The following OGDH variants were observed in gnomAD, a reference collection of about 807,000 sequenced individuals.
OGDH encodes 2-oxoglutarate dehydrogenase complex component E1.
A neutral mutation model predicts 116.6 loss-of-function variants in OGDH; 38 were observed. That is an observed-to-expected ratio of 0.33 (90% confidence interval 0.25 to 0.43). The LOEUF (loss-of-function observed/expected upper bound fraction) is 0.43, where lower values mean the gene tolerates loss of function less well. OGDH is among the 20% of genes least tolerant of loss of function. The pLI is 1.00. For missense variants in OGDH, 825 were observed against 1,357.2 expected (o/e 0.61, Z 6.16); for synonymous variants, 488 against 533.3 (o/e 0.92, Z 1.17).
intron 10 of OGDH, among the ~76,000 whole-genome samples, chr7:44,690,508 A>AT (rs1201515381): frequency 1.3e-5 from 2 of 152,248 alleles, no homozygotes; most frequent in Admixed American, 1.3e-4. Context: ...GGTATTATTA[A>AT]TACACCCATA....
intron 4 of OGDH, 163 bp from the exon 5 acceptor site, chr7:44,666,573 A>G: frequency 2.6e-6 from 1 of 386,982 alleles, no homozygotes; most frequent in Non-Finnish European, 4.6e-6. Context: ...TTCTGGCTGT[A>G]AAATATTACT....
At chr7:44,678,679 G>A (rs559128812) in intron 9 of OGDH, among the ~76,000 whole-genome samples, 4 of 152,256 alleles carry the variant, frequency 2.6e-5, no homozygotes, top group Admixed American at 1.3e-4. Context: ...GAGCCTCCTC[G>A]TCACCTTGCC....
intron 2 of OGDH, among the ~76,000 whole-genome samples, chr7:44,635,450 G>C (rs534524231): frequency 6.6e-6 from 1 of 152,082 alleles, no homozygotes; most frequent in Non-Finnish European, 1.5e-5. Flanking sequence ...CCCGCGCCGC[G>C]GATTATTTAG....
chr7:44,684,329 C>T (rs186677900), intron 10 of OGDH, among the ~76,000 whole-genome samples: 16 of 151,932 alleles, frequency 1.1e-4, no homozygotes, highest in African/African-American at 3.1e-4. Flanking sequence ...TAGAGGAGGA[C>T]AGAGAAACAC....
chr7:44,607,546 G>C (rs1369603956), intron 1 of OGDH, among the ~76,000 whole-genome samples: 1 of 152,116 alleles, frequency 6.6e-6, no homozygotes, highest in East Asian at 1.9e-4. Context: ...GGGTGGCATG[G>C]GATAAAGCCT....
At chr7:44,615,446 T>C (rs1220323497) in intron 1 of OGDH, among the ~76,000 whole-genome samples, 1 of 152,140 alleles carries the variant, frequency 6.6e-6, no homozygotes, top group Non-Finnish European at 1.5e-5. Context: ...CTCCACTATC[T>C]TATCAGGGAG....
At position 44,696,143 on chromosome 7, in the gene OGDH, G is replaced by A. The variant is rs773561275; in HGVS notation, c.1771+16G>A. 1.8e-5 allele frequency: 27 copies of A among 1,523,802 alleles called. 1 individual carries two copies. Among genetic ancestry groups the A allele is most frequent in the Non-Finnish European group, 2.3e-5 (25 of 1,097,998 alleles). 94.4% of individuals were successfully genotyped at this position (1,523,802 alleles called of 1,614,324 possible). ...CCCTGGCCTGGTGAGTGAAGAAACA[G>A]TGCCACAAATAAGCTCCTTTGAGGA... On this transcript the variant is annotated intron_variant, in intron 13 of 22. Coordinates refer to ENST00000222673, the MANE Select transcript of OGDH (RefSeq NM_002541.4).
chr7:44,608,722 A>C (rs1562603061), intron 1 of OGDH, among the ~76,000 whole-genome samples: 1 of 151,032 alleles, frequency 6.6e-6, no homozygotes, highest in Non-Finnish European at 1.5e-5. Flanking sequence ...CTCCATCTCA[A>C]AAAAAAAAGG....
intron 7 of OGDH, 107 bp from the exon 8 acceptor site, chr7:44,675,071 G>A: frequency 1.2e-6 from 1 of 845,336 alleles, no homozygotes; most frequent in Non-Finnish European, 2.0e-6. Context: ...AACCGAGGAG[G>A]TGCCGTGTCC....
chr7:44,644,085 A>G (rs981689093), intron 2 of OGDH, among the ~76,000 whole-genome samples: 1 of 152,134 alleles, frequency 6.6e-6, no homozygotes, highest in Non-Finnish European at 1.5e-5. Context: ...TGCTCCTGTA[A>G]TCCCCGCTGC....
At chr7:44,692,619 T>C (rs1301820052) in intron 10 of OGDH, among the ~76,000 whole-genome samples, 1 of 152,256 alleles carries the variant, frequency 6.6e-6, no homozygotes, top group African/African-American at 2.4e-5. Flanking sequence ...CAGTGTGGTA[T>C]TATCATGCTT....
At chr7:44,682,554 G>C (rs935417545) in intron 10 of OGDH, among the ~76,000 whole-genome samples, 1 of 151,776 alleles carries the variant, frequency 6.6e-6, no homozygotes, top group African/African-American at 2.4e-5. Flanking sequence ...AAAGCTACCT[G>C]CTTGGTGGCG....
chr7:44,629,337 G>C (rs1785332046), intron 2 of OGDH, among the ~76,000 whole-genome samples: 1 of 152,204 alleles, frequency 6.6e-6, no homozygotes, highest in Non-Finnish European at 1.5e-5. Flanking sequence ...GGGAGTGGAA[G>C]GAGCTGGGGC....
Position 44,686,162 on chromosome 7 carries a change from A to G in OGDH, c.1335+4314A>G, listed in dbSNP as rs1334151742. On this transcript the variant is annotated intron_variant, in intron 10 of 22. Coordinates refer to ENST00000222673, the MANE Select transcript of OGDH (RefSeq NM_002541.4). ...TATGCTTTGTATTTTCTTTTTTCTT[A>G]TTGCACTGGCTAGGACCTCAGCACA... Among the ~76,000 whole-genome samples, 8 of 148,668 alleles carry G rather than the reference A, an allele frequency of 5.4e-5. No individual in the cohort carries two copies. In the Admixed American group the frequency reaches 5.4e-4, roughly 10 times the overall value.
chr7:44,683,432 T>C (rs886740140), intron 10 of OGDH, among the ~76,000 whole-genome samples: 2 of 152,050 alleles, frequency 1.3e-5, no homozygotes, highest in African/African-American at 4.8e-5. Flanking sequence ...GATGTCACTC[T>C]GTTACCGAGG....
rs777624714 is a variant in OGDH at position 44,705,051 on chromosome 7, C to CTTTTT, written c.2633-2159_2633-2155dup. Among the ~76,000 whole-genome samples the CTTTTT allele has an allele frequency of 1.3e-4, 12 of 93,918 alleles. 1 individual carries two copies. The highest frequency in any genetic ancestry group is 4.1e-4 in the African/African-American group (7 of 17,070). The allele number at this position is 93,918 out of a possible 152,430, so 61.6% of individuals were successfully genotyped here. ...TTGATGTACAAAAGTTTTTAATTTT[C>CTTTTT]TTTTTTTTTTTTTTTTTTTGAGACG... is the stretch of plus-strand genomic sequence containing the variant. On this transcript the variant is annotated intron_variant, in intron 20 of 22. Transcript: ENST00000222673.
intron 2 of OGDH, among the ~76,000 whole-genome samples, chr7:44,643,776 A>T (rs1786052296): frequency 6.6e-6 from 1 of 152,238 alleles, no homozygotes; most frequent in African/African-American, 2.4e-5. Context: ...TAGAAGGAGA[A>T]TGCAAAGATC....
At chr7:44,685,003 G>A (rs1788069970) in intron 10 of OGDH, among the ~76,000 whole-genome samples, 2 of 152,150 alleles carry the variant, frequency 1.3e-5, no homozygotes, top group African/African-American at 4.8e-5. Flanking sequence ...GGTCAGGGTG[G>A]TCATGAACTC....
chr7:44,664,391 G>T lies in OGDH; in HGVS notation c.518-2345G>T, dbSNP rs569761331. 2.0e-5 allele frequency among the ~76,000 whole-genome samples: 3 copies of T among 152,298 alleles called. No homozygotes were observed. In the South Asian group the frequency reaches 6.2e-4, roughly 32 times the overall value. On this transcript the variant is annotated intron_variant, in intron 4 of 22. Transcript: ENST00000222673. ...CTAGGGCCCATTACAGCCTGGTGAG[G>T]GTGGGGTCACAGTGTTTTCTCTGGT... is the stretch of plus-strand genomic sequence containing the variant.
Sources: allele counts gnomAD v4.1 joint callset (sites outside exome capture counted in the v4.1 genomes callset), GRCh38; gene constraint gnomAD v4.1.1; transcripts MANE v1.5; gene names NCBI Gene and HGNC (gene_info 2026-07-23, HGNC 2026-07-21).